Variants in ASIC2 observed in about 807,000 individuals in gnomAD.
ASIC2 encodes the protein acid-sensing ion channel 2.
In ASIC2, 25 loss-of-function variants were observed where a neutral mutation model predicts 57.3. The observed-to-expected ratio is 0.44, with a 90% CI of 0.32 to 0.61. The LOEUF (loss-of-function observed/expected upper bound fraction) is 0.61. ASIC2 is among the 20% of genes least tolerant of loss of function. ASIC2 has a pLI of 0.06. For missense variants in ASIC2, 641 were observed against 738.1 expected (o/e 0.87, Z 1.52); for synonymous variants, 319 against 307.5 (o/e 1.04, Z -0.39).
intron 1 of ASIC2, among the ~76,000 whole-genome samples, chr17:33,756,599 C>G (rs973573511): frequency 1.3e-5 from 2 of 152,216 alleles, no homozygotes; most frequent in Admixed American, 1.3e-4. Flanking sequence ...GCATCTGGAC[C>G]CAGGAGATGT....
chr17:33,737,269 C>T (rs1309173604), intron 1 of ASIC2, among the ~76,000 whole-genome samples: 1 of 152,222 alleles, frequency 6.6e-6, no homozygotes, highest in Non-Finnish European at 1.5e-5. Context: ...TCAGTCTCAT[C>T]AGATTGTTTT....
chr17:33,035,357 G>A (rs1331884893), intron 3 of ASIC2, among the ~76,000 whole-genome samples: 1 of 152,100 alleles, frequency 6.6e-6, no homozygotes, highest in Admixed American at 6.5e-5. Context: ...CATGTGTCTA[G>A]GAGTTTTTGA....
At chr17:33,860,189 G>A (rs979230836) in intron 1 of ASIC2, among the ~76,000 whole-genome samples, 8 of 152,142 alleles carry the variant, frequency 5.3e-5, no homozygotes, top group Admixed American at 2.0e-4. Flanking sequence ...AGATAAGGCA[G>A]GCATAATACC....
At chr17:33,226,051 G>T (rs369238282) in intron 1 of ASIC2, among the ~76,000 whole-genome samples, 2 of 152,102 alleles carry the variant, frequency 1.3e-5, no homozygotes, top group African/African-American at 4.8e-5. Context: ...GGCACTTGTG[G>T]TCTACTAGGA....
intron 1 of ASIC2, among the ~76,000 whole-genome samples, chr17:33,439,904 C>T (rs917907965): frequency 2.6e-5 from 4 of 152,136 alleles, no homozygotes; most frequent in African/African-American, 4.8e-5. Context: ...GAGATGCGAG[C>T]GTGCATGCAA....
At chr17:33,749,100 G>A (rs943455189) in intron 1 of ASIC2, among the ~76,000 whole-genome samples, 3 of 152,164 alleles carry the variant, frequency 2.0e-5, no homozygotes, top group Admixed American at 6.5e-5. Context: ...GGAGCAGGAA[G>A]GTGAAGCAGC....
intron 1 of ASIC2, chr17:34,038,766 C>G (rs1907987332): frequency 5.0e-6 from 8 of 1,611,354 alleles, no homozygotes; most frequent in Non-Finnish European, 6.8e-6. Flanking sequence ...TCATTTTCAG[C>G]TCCATTGGTC....
chr17:33,879,514 T>C (rs939107858), intron 1 of ASIC2, among the ~76,000 whole-genome samples: 1 of 152,128 alleles, frequency 6.6e-6, no homozygotes, highest in African/African-American at 2.4e-5. Context: ...AAGAAGGCCA[T>C]TACATAATGG....
intron 1 of ASIC2, among the ~76,000 whole-genome samples, chr17:34,138,076 A>T (rs1912172500): frequency 6.6e-6 from 1 of 152,106 alleles, no homozygotes; most frequent in Non-Finnish European, 1.5e-5. Context: ...AAGAATACGA[A>T]ACTAACTCCT....
At chr17:33,051,179 C>T (rs533720036) in intron 3 of ASIC2, among the ~76,000 whole-genome samples, 2 of 152,266 alleles carry the variant, frequency 1.3e-5, no homozygotes, top group East Asian at 3.9e-4. Context: ...GTCTCTTTCC[C>T]TTTCAGTGGA....
chr17:33,762,664 A>G (rs576135228), intron 1 of ASIC2, among the ~76,000 whole-genome samples: 2 of 152,232 alleles, frequency 1.3e-5, no homozygotes, highest in Non-Finnish European at 2.9e-5. Flanking sequence ...GCCGTTGCAC[A>G]GCAATGGATA....
chr17:33,624,724 G>A (rs1207469477), intron 1 of ASIC2, among the ~76,000 whole-genome samples: 3 of 152,178 alleles, frequency 2.0e-5, no homozygotes, highest in African/African-American at 7.2e-5. Flanking sequence ...GTGGGGCACT[G>A]GATGGTCACT....
At chr17:33,421,151 CA>C (rs1270867428) in intron 1 of ASIC2, among the ~76,000 whole-genome samples, 1 of 152,022 alleles carries the variant, frequency 6.6e-6, no homozygotes, top group African/African-American at 2.4e-5. Context: ...TCTTTGTCAC[CA>C]GGAAGGTTCT....
intron 1 of ASIC2, among the ~76,000 whole-genome samples, chr17:33,347,357 G>A (rs1020521002): frequency 6.6e-6 from 1 of 152,186 alleles, no homozygotes; most frequent in Non-Finnish European, 1.5e-5. Flanking sequence ...TGGGGGAAGG[G>A]TGCAGGAGTT....
At chr17:33,148,081 T>C (rs1168022796) in intron 1 of ASIC2, among the ~76,000 whole-genome samples, 1 of 152,308 alleles carries the variant, frequency 6.6e-6, no homozygotes, top group East Asian at 1.9e-4. Context: ...CAAGCATCCC[T>C]AAAATGTAAA....
chr17:34,096,690 T>TA (rs1052851797), intron 1 of ASIC2, among the ~76,000 whole-genome samples: 1 of 151,084 alleles, frequency 6.6e-6, no homozygotes, highest in Non-Finnish European at 1.5e-5. Context: ...CCGTCTCTAC[T>TA]AAAAAAATAC....
Position 33,425,422 on chromosome 17 carries a change from T to C in ASIC2, c.556-313355A>G, listed in dbSNP as rs527848698. ...CAGGCAGTTATGAATTAGAGAGATG[T>C]ACATAATAGTTGGGGGAAAGTGATT... On this transcript the variant is annotated intron_variant, in intron 1 of 9. Transcript: ENST00000359872. 4.0e-4 allele frequency among the ~76,000 whole-genome samples: 61 copies of C among 152,342 alleles called. 1 individual carries two copies. In the South Asian group the frequency reaches 0.012, roughly 31 times the overall value.
chr17:34,038,478 C>G, intron 1 of ASIC2: 3 of 1,612,144 alleles, frequency 1.9e-6, no homozygotes, highest in Non-Finnish European at 2.5e-6. Flanking sequence ...TTCACAGCTA[C>G]GTATCTTTGC....
intron 1 of ASIC2, among the ~76,000 whole-genome samples, chr17:33,894,338 C>T (rs865941848): frequency 0.023 from 2,123 of 93,920 alleles, 48 homozygotes; most frequent in African/African-American, 0.091. Context: ...TGCGTGCGTG[C>T]GTGCGTGCGT....
Sources: gnomAD v4.1 joint callset for allele counts (sites outside exome capture counted in the v4.1 genomes callset) on GRCh38, gnomAD v4.1.1 for gene constraint, MANE v1.5 for transcripts, NCBI Gene and HGNC (gene_info 2026-07-23, HGNC 2026-07-21) for gene names.